The following GPR39 variants were observed in gnomAD, a reference collection of about 807,000 sequenced individuals.
GPR39 encodes G protein-coupled receptor 39, also known as zinc sensing receptor.
GPR39 carries 23 observed loss-of-function variants against 18.4 expected under a neutral mutation model. The observed-to-expected ratio is 1.25, with a 90% CI of 0.90 to 1.77. The LOEUF is 1.77. GPR39 is among the 40% of genes most tolerant of loss of function. GPR39 has a pLI of 0.00. For synonymous variants in GPR39, 280 were observed against 257.9 expected (o/e 1.09, Z -0.82); for missense variants, 647 against 602.4 (o/e 1.07, Z -0.78).
intron 1 of GPR39, among the ~76,000 whole-genome samples, chr2:132,595,437 G>C (rs138581949): frequency 1.3e-5 from 2 of 152,052 alleles, no homozygotes; most frequent in African/African-American, 4.8e-5. Flanking sequence ...AAATGAGTTC[G>C]CTGTCTTCGA....
chr2:132,506,577 G>A (rs1679138585), intron 1 of GPR39, among the ~76,000 whole-genome samples: 1 of 152,160 alleles, frequency 6.6e-6, no homozygotes, highest in African/African-American at 2.4e-5. Flanking sequence ...CTCAGGAAAT[G>A]TACAATCATG....
intron 1 of GPR39, among the ~76,000 whole-genome samples, chr2:132,527,476 A>T (rs531146736): frequency 2.6e-5 from 4 of 152,366 alleles, no homozygotes; most frequent in African/African-American, 9.6e-5. Context: ...TGGCTGGGTC[A>T]AATGGTGTTT....
In GPR39 at chr2:132,457,651, C is replaced by G. The variant is rs143000625; in HGVS notation, c.856+39753C>G. On this transcript the variant is annotated intron_variant, in intron 1 of 1. Transcript: ENST00000329321. Reference sequence around the variant, plus strand: ...AGCTCAAACGTCGTGCTGGGAGAACCACTGCTCTCTTCAGAGCTGTCAGAC... The same window carrying G: ...AGCTCAAACGTCGTGCTGGGAGAACGACTGCTCTCTTCAGAGCTGTCAGAC... Among the ~76,000 whole-genome samples the G allele has an allele frequency of 6.4e-3, 977 of 152,336 alleles. 8 individuals carry two copies. Among genetic ancestry groups the G allele is most frequent in the Middle Eastern group, 0.027 (8 of 294 alleles).
At chr2:132,619,314 G>A (rs73955759) in intron 1 of GPR39, among the ~76,000 whole-genome samples, 2,108 of 152,252 alleles carry the variant, frequency 0.014, 65 homozygotes, top group African/African-American at 0.048. Context: ...TGAAAGATCC[G>A]GCAAGCATGG....
chr2:132,452,219 GT>G (rs1324283648), intron 1 of GPR39, among the ~76,000 whole-genome samples: 1 of 152,128 alleles, frequency 6.6e-6, no homozygotes, highest in African/African-American at 2.4e-5. Flanking sequence ...TATCTTTGGA[GT>G]CTCATAAATG....
chr2:132,512,384 AG>A (rs201221372), intron 1 of GPR39, among the ~76,000 whole-genome samples: 3 of 152,078 alleles, frequency 2.0e-5, no homozygotes. Flanking sequence ...GAAAAGGATA[AG>A]GGGGGGTACA....
At chr2:132,483,485 T>C (rs1459581421) in intron 1 of GPR39, among the ~76,000 whole-genome samples, 1 of 152,224 alleles carries the variant, frequency 6.6e-6, no homozygotes, top group Non-Finnish European at 1.5e-5. Context: ...ATGCCTTCCA[T>C]GTTGTGAAAG....
At chr2:132,572,185 G>A (rs569070029) in intron 1 of GPR39, among the ~76,000 whole-genome samples, 11 of 152,252 alleles carry the variant, frequency 7.2e-5, no homozygotes, top group Non-Finnish European at 1.3e-4. Context: ...GTAGGGGCAG[G>A]TGACCTTCTA....
At chr2:132,622,737 T>A (rs1681464733) in intron 1 of GPR39, among the ~76,000 whole-genome samples, 1 of 152,188 alleles carries the variant, frequency 6.6e-6, no homozygotes, top group Non-Finnish European at 1.5e-5. Context: ...ATACTTAAGT[T>A]AAAATAAGGG....
At chr2:132,627,652 C>T (rs1475219661) in intron 1 of GPR39, among the ~76,000 whole-genome samples, 1 of 152,142 alleles carries the variant, frequency 6.6e-6, no homozygotes, top group Non-Finnish European at 1.5e-5. Context: ...TAAACAAGGG[C>T]TCTTGATTCT....
At position 132,476,036 on chromosome 2, in the gene GPR39, C is replaced by CT. The variant is rs909271847; in HGVS notation, c.856+58149dup. Among the ~76,000 whole-genome samples the CT allele has an allele frequency of 2.3e-3, 343 of 147,224 alleles. 1 individual carries two copies. Among genetic ancestry groups the CT allele is most frequent in the Middle Eastern group, 0.014 (4 of 280 alleles). ...GCCACTTAGCAGCAGCAGAGGGATT[C>CT]TTTTTTTTTTTCTCTTTTTAGACAA... On this transcript the variant is annotated intron_variant, in intron 1 of 1. Coordinates refer to ENST00000329321, the MANE Select transcript of GPR39 (RefSeq NM_001508.3).
chr2:132,475,593 C>T (rs958821381), intron 1 of GPR39, among the ~76,000 whole-genome samples: 3 of 151,958 alleles, frequency 2.0e-5, no homozygotes, highest in Non-Finnish European at 2.9e-5. Flanking sequence ...CACCAGGTTT[C>T]GTAGTCCCAC....
chr2:132,505,085 T>A (rs1345774002), intron 1 of GPR39, among the ~76,000 whole-genome samples: 1 of 152,214 alleles, frequency 6.6e-6, no homozygotes, highest in Non-Finnish European at 1.5e-5. Context: ...GAAAAGGAAT[T>A]CATTTCTTAC....
intron 1 of GPR39, among the ~76,000 whole-genome samples, chr2:132,530,816 C>T (rs1441037891): frequency 6.6e-6 from 1 of 152,134 alleles, no homozygotes; most frequent in Non-Finnish European, 1.5e-5. Flanking sequence ...GAGATTTTGT[C>T]ACCACCAGGC....
chr2:132,585,815 G>C (rs1458033123), intron 1 of GPR39, among the ~76,000 whole-genome samples: 2 of 152,072 alleles, frequency 1.3e-5, no homozygotes, highest in African/African-American at 4.8e-5. Flanking sequence ...TCACGCAGCT[G>C]CCTCTTGGCA....
chr2:132,579,725 T>A (rs891617551), intron 1 of GPR39, among the ~76,000 whole-genome samples: 15 of 152,012 alleles, frequency 9.9e-5, no homozygotes, highest in Non-Finnish European at 8.8e-5. Context: ...TATATATTTT[T>A]AATTTTATTT....
chr2:132,541,739 C>G (rs1340775701), intron 1 of GPR39, among the ~76,000 whole-genome samples: 5 of 152,254 alleles, frequency 3.3e-5, no homozygotes, highest in African/African-American at 7.2e-5. Context: ...GTTGGACAAG[C>G]CTTATGCATC....
intron 1 of GPR39, among the ~76,000 whole-genome samples, chr2:132,427,152 A>ATG (rs1288943459): frequency 1.3e-5 from 1 of 76,920 alleles, no homozygotes; most frequent in Non-Finnish European, 2.5e-5. Context: ...ATATATATAT[A>ATG]TATATATATA....
intron 1 of GPR39, among the ~76,000 whole-genome samples, chr2:132,607,201 A>G (rs891427109): frequency 2.6e-5 from 4 of 152,222 alleles, no homozygotes; most frequent in African/African-American, 9.6e-5. Flanking sequence ...TCAGTGAGTG[A>G]CAGGAATTGC....
Sources: gnomAD v4.1 joint callset for allele counts (sites outside exome capture counted in the v4.1 genomes callset) on GRCh38, gnomAD v4.1.1 for gene constraint, MANE v1.5 for transcripts, NCBI Gene and HGNC (gene_info 2026-07-23, HGNC 2026-07-21) for gene names.